NADSYN1: variants seen among roughly 807,000 people sequenced by gnomAD.
NADSYN1 encodes the protein NAD synthetase 1.
NADSYN1 carries 80 observed loss-of-function variants against 99.3 expected under a neutral mutation model. That is an observed-to-expected ratio of 0.81 (90% CI 0.67 to 0.97). The LOEUF (loss-of-function observed/expected upper bound fraction) is 0.97, where lower values mean the gene tolerates loss of function less well. NADSYN1 is among the 50% of genes least tolerant of loss of function. The pLI, the probability that NADSYN1 is intolerant of heterozygous loss-of-function variation, is 0.00. For synonymous variants in NADSYN1, 385 were observed against 372.1 expected, an observed-to-expected ratio of 1.03 and a Z score of -0.40; for missense variants, 859 against 948.5, an observed-to-expected ratio of 0.91 and a Z score of 1.24.
intron 8 of NADSYN1, among the ~76,000 whole-genome samples, chr11:71,473,983 G>A (rs961964654): frequency 2.0e-5 from 3 of 152,222 alleles, no homozygotes; most frequent in Non-Finnish European, 4.4e-5. Context: ...ACACCCGTAC[G>A]TTTGCTGCTC....
Position 71,458,478 on chromosome 11 carries a change from C to T in NADSYN1, c.197C>T (p.Ser66Leu), listed in dbSNP as rs551641223. Residue 66 changes from serine (S) to leucine (L), a missense_variant, in exon 3 of 21, where the codon TCG becomes TTG. Ser to Leu is a moderately radical substitution (Grantham distance 145). Coordinates refer to ENST00000319023, the MANE Select transcript of NADSYN1 (RefSeq NM_018161.5). ...HYYESDTLLH[S>L]FQVLAALVES... ...TACGAGTCGGACACCCTCTTGCACT[C>T]GTTTCAAGTCCTAGCGGCCCTTGTG... The T allele has an allele frequency of 8.1e-5, 130 of 1,613,940 alleles. No individual in the cohort carries two copies. The highest frequency in any genetic ancestry group is 1.0e-4 in the Non-Finnish European group (120 of 1,179,940).
intron 10 of NADSYN1, among the ~76,000 whole-genome samples, 159 bp from the exon 11 acceptor site, chr11:71,480,596 G>A (rs1446565826): frequency 1.3e-5 from 2 of 152,158 alleles, no homozygotes; most frequent in African/African-American, 4.8e-5. Context: ...GCCATTGGTC[G>A]CTTTGCTTCT....
chr11:71,494,769 G>T (rs1435095048), intron 18 of NADSYN1, among the ~76,000 whole-genome samples: 1 of 152,110 alleles, frequency 6.6e-6, no homozygotes, highest in African/African-American at 2.4e-5. Context: ...TGGTCAGGCT[G>T]GTGTCGAACT....
intron 1 of NADSYN1, among the ~76,000 whole-genome samples, chr11:71,454,162 CAG>C (rs1298837941): frequency 1.3e-5 from 2 of 152,214 alleles, no homozygotes; most frequent in East Asian, 1.9e-4. Flanking sequence ...ACAATAGAAA[CAG>C]AATGTTTCAA....
At chr11:71,490,246 C>T (rs960622136) in intron 16 of NADSYN1, among the ~76,000 whole-genome samples, 7 of 152,200 alleles carry the variant, frequency 4.6e-5, no homozygotes, top group African/African-American at 1.7e-4. Flanking sequence ...CCCCTGCAGT[C>T]AGGGCTCCCT....
intron 4 of NADSYN1, 132 bp downstream of exon 4, chr11:71,463,617 T>G: frequency 6.3e-6 from 5 of 799,288 alleles, no homozygotes; most frequent in Non-Finnish European, 9.9e-6. Flanking sequence ...TGCCCGGGCT[T>G]AGTGAGGGCC....
intron 18 of NADSYN1, chr11:71,497,231 G>A (rs1949825939): frequency 2.1e-6 from 1 of 477,016 alleles, no homozygotes; most frequent in East Asian, 4.0e-5. Flanking sequence ...CTTCAGACAT[G>A]AGCGCTCCTT....
chr11:71,478,515 T>C, intron 10 of NADSYN1, 46 bp downstream of exon 10: 1 of 1,535,680 alleles, frequency 6.5e-7, no homozygotes, highest in Non-Finnish European at 8.9e-7. Flanking sequence ...ATCAAAGACG[T>C]GGAAAGTGGC....
At position 71,501,499 on chromosome 11, in the gene NADSYN1, T is replaced by C; in HGVS notation, c.*147T>C. 1 of 684,098 alleles carries C rather than the reference T, an allele frequency of 1.5e-6. No individual in the cohort carries two copies. Among genetic ancestry groups the C allele is most frequent in the Non-Finnish European group, 2.4e-6 (1 of 416,886 alleles). The allele number at this position is 684,098 out of a possible 1,614,324, so 42.4% of individuals were successfully genotyped here. On this transcript the variant is annotated 3_prime_UTR_variant, in exon 21 of 21. Transcript: ENST00000319023. ...AGAGGGAGGGAACTTTTCAGTCAAATTCCTCAAAAAGAGGCTGGAATAAAG... is the reference window on the plus strand; with the variant it reads ...AGAGGGAGGGAACTTTTCAGTCAAACTCCTCAAAAAGAGGCTGGAATAAAG...
chr11:71,473,747 C>T, intron 8 of NADSYN1, 61 bp downstream of exon 8: 1 of 1,186,734 alleles, frequency 8.4e-7, no homozygotes, highest in East Asian at 2.3e-5. Flanking sequence ...AGAACTCCTG[C>T]ATCCTCAGTG....
intron 9 of NADSYN1, among the ~76,000 whole-genome samples, chr11:71,475,862 G>A (rs529795926): frequency 5.3e-5 from 8 of 152,144 alleles, no homozygotes; most frequent in African/African-American, 1.9e-4. Flanking sequence ...GACCCATGCT[G>A]CCATGCCCAG....
intron 9 of NADSYN1, chr11:71,476,417 A>T: frequency 3.2e-6 from 1 of 311,308 alleles, no homozygotes; most frequent in South Asian, 2.9e-5. Context: ...TCCCATCCTC[A>T]TGATTCTGTC....
chr11:71,469,502 C>T (rs1340419828), intron 5 of NADSYN1, among the ~76,000 whole-genome samples: 3 of 152,172 alleles, frequency 2.0e-5, no homozygotes, highest in Admixed American at 6.5e-5. Flanking sequence ...GAGTTTTACC[C>T]ACATATTTAT....
intron 14 of NADSYN1, among the ~76,000 whole-genome samples, chr11:71,483,927 G>T (rs1949725477): frequency 6.6e-6 from 1 of 152,218 alleles, no homozygotes; most frequent in Non-Finnish European, 1.5e-5. Context: ...CGGATGAAGG[G>T]AGTGGAGCCA....
chr11:71,473,662 T>A lies in NADSYN1; in HGVS notation c.642T>A (p.Asp214Glu), dbSNP rs754174527. ...TGCGCAAAGCCAACACCAGGGTGGA[T>A]CTCGTGACTATGGTCACCAGCAAGG... Reference protein sequence around the residue: ...QVLRKANTRVDLVTMVTSKNG... With the variant: ...QVLRKANTRVELVTMVTSKNG... The change falls in exon 8 of 21, where the codon GAT (aspartate) becomes GAA (glutamate). Residue 214 changes from aspartate to glutamate, a missense_variant. Physicochemically the swap from Asp to Glu is conservative, Grantham distance 45. Transcript: ENST00000319023. 18 of 1,612,774 alleles carry A rather than the reference T, an allele frequency of 1.1e-5. No individual in the cohort carries two copies. Among genetic ancestry groups the A allele is most frequent in the Non-Finnish European group, 1.5e-5 (18 of 1,179,616 alleles).
At chr11:71,490,547 C>T (rs900595357) in intron 16 of NADSYN1, among the ~76,000 whole-genome samples, 3 of 152,164 alleles carry the variant, frequency 2.0e-5, no homozygotes, top group Non-Finnish European at 4.4e-5. Context: ...TGCTCACTCC[C>T]GACACCCCAA....
chr11:71,488,002 G>A (rs995479578), intron 16 of NADSYN1, among the ~76,000 whole-genome samples: 2 of 152,030 alleles, frequency 1.3e-5, no homozygotes, highest in Admixed American at 6.6e-5. Flanking sequence ...TCCCTCTGCC[G>A]CCTTCTTCTC....
At chr11:71,476,150 C>T in intron 9 of NADSYN1, 1 of 455,976 alleles carries the variant, frequency 2.2e-6, no homozygotes, top group South Asian at 1.5e-5. Context: ...AGCGTCTCCA[C>T]TCTCGGGCTC....
chr11:71,454,018 C>T (rs1383350207), intron 1 of NADSYN1, among the ~76,000 whole-genome samples: 1 of 152,106 alleles, frequency 6.6e-6, no homozygotes, highest in African/African-American at 2.4e-5. Flanking sequence ...ATCTAATTTT[C>T]GTTCATATGG....
Sources: allele counts gnomAD v4.1 joint callset (sites outside exome capture counted in the v4.1 genomes callset), GRCh38; gene constraint gnomAD v4.1.1; transcripts MANE v1.5; gene names NCBI Gene and HGNC (gene_info 2026-07-23, HGNC 2026-07-21).